Variants in ZNF292 observed in about 807,000 individuals in gnomAD.
The protein encoded by ZNF292 is zinc finger protein 292.
In ZNF292, 26 loss-of-function variants were observed where a neutral mutation model predicts 217.9. That is an observed-to-expected ratio of 0.12 (90% CI 0.09 to 0.17). The LOEUF (loss-of-function observed/expected upper bound fraction) is 0.17. Ranked by LOEUF, ZNF292 falls within the 10% of genes least tolerant of loss-of-function variation. ZNF292 has a pLI of 1.00. For missense variants in ZNF292, 2,904 were observed against 3,175.2 expected (o/e 0.91, Z 2.05); for synonymous variants, 1,257 against 1,124.1 (o/e 1.12, Z -2.37).
rs1479328299 is a variant in ZNF292 at position 87,265,873 on chromosome 6, C to G, written c.*4072C>G. On this transcript the variant is annotated 3_prime_UTR_variant, in exon 8 of 8. Coordinates refer to ENST00000369577, the MANE Select transcript of ZNF292 (RefSeq NM_015021.3). ...AATGTTTTGAATATTACCCGGTATT[C>G]AAGTAATGCTCATTGAATTTCAAGT... Among the ~76,000 whole-genome samples, 4 of 152,148 alleles carry G rather than the reference C, an allele frequency of 2.6e-5. No homozygotes were observed. The highest frequency in any genetic ancestry group is 4.4e-5 in the Non-Finnish European group (3 of 68,024).
At position 87,258,937 on chromosome 6, in the gene ZNF292, A is replaced by G; in HGVS notation, c.5308A>G (p.Ile1770Val). The G allele has an allele frequency of 6.2e-7, 1 of 1,611,974 alleles. No individual in the cohort carries two copies. The highest frequency in any genetic ancestry group is 2.2e-5 in the East Asian group (1 of 44,822). The change falls in exon 8 of 8, where the codon ATA (isoleucine) becomes GTA (valine). Residue 1770 changes from isoleucine to valine, a missense_variant. Physicochemically the swap from Ile to Val is conservative, Grantham distance 29. Around this residue, in one of 15 missense-constraint regions of ZNF292, gnomAD observed 622 missense variants for 573.1 expected, o/e 1.09. Coordinates refer to ENST00000369577, the MANE Select transcript of ZNF292 (RefSeq NM_015021.3). ...TATTAAAACTGCTATGAATTCTCAA[A>G]TACTTGAGGTAAAAAGTGGATCTCA... ...EIIKTAMNSQ[I>V]LEVKSGSQGA...
intron 1 of ZNF292, among the ~76,000 whole-genome samples, chr6:87,184,264 T>C (rs1399493352): frequency 6.6e-6 from 1 of 152,184 alleles, no homozygotes; most frequent in Non-Finnish European, 1.5e-5. Flanking sequence ...TTCTCCTACT[T>C]TTTGCCTGCA....
At chr6:87,238,703 T>C (rs1774030397) in intron 5 of ZNF292, among the ~76,000 whole-genome samples, 1 of 151,638 alleles carries the variant, frequency 6.6e-6, no homozygotes, top group African/African-American at 2.4e-5. Flanking sequence ...TTTTTTTAAT[T>C]GATCATTCTT....
In ZNF292 at chr6:87,261,616, A is replaced by T; in HGVS notation, c.7987A>T (p.Ser2663Cys). The change falls in exon 8 of 8, where the codon AGT becomes TGT. Residue 2663 changes from serine to cysteine, a missense_variant. Ser to Cys is a moderately radical substitution (Grantham distance 112). This residue lies in a region of ZNF292 where 380 missense variants were observed against 355.3 expected (regional missense o/e 1.07). Transcript: ENST00000369577. ...TGCCAATCCATCACAGCTTCAGTGCAGTGATAATGTAAAAATTGTTTTAGA... is the reference window on the plus strand; with the variant it reads ...TGCCAATCCATCACAGCTTCAGTGCTGTGATAATGTAAAAATTGTTTTAGA... ...QFANPSQLQC[S>C]DNVKIVLDKN... 6.2e-7 allele frequency: 1 copy of T among 1,611,150 alleles called. No individual in the cohort carries two copies. The highest frequency in any genetic ancestry group is 8.5e-7 in the Non-Finnish European group (1 of 1,178,302).
chr6:87,261,740 C>G lies in ZNF292; in HGVS notation c.8111C>G (p.Pro2704Arg), dbSNP rs769299975. Residue 2704 changes from proline to arginine, a missense_variant, in exon 8 of 8, where the codon CCA (proline) becomes CGA (arginine). Transcript: ENST00000369577. The part of the protein sequence containing the change: ...LKKLEVHSND[P>R]DMSVMKDISI... ...AAACTTGAAGTACATTCAAATGATCCAGATATGTCTGTTATGAAAGATATC... is the reference window on the plus strand; with the variant it reads ...AAACTTGAAGTACATTCAAATGATCGAGATATGTCTGTTATGAAAGATATC... 6 of 1,612,868 alleles carry G rather than the reference C, an allele frequency of 3.7e-6. No homozygotes were observed. The highest frequency in any genetic ancestry group is 2.2e-5 in the East Asian group (1 of 44,842).
chr6:87,163,802 G>A (rs972202673), intron 1 of ZNF292, among the ~76,000 whole-genome samples: 5 of 152,164 alleles, frequency 3.3e-5, no homozygotes, highest in African/African-American at 1.2e-4. Flanking sequence ...GAGAATAAAA[G>A]CTCAGATAAA....
chr6:87,216,438 T>A, intron 3 of ZNF292, 61 bp downstream of exon 3: 1 of 1,254,920 alleles, frequency 8.0e-7, no homozygotes, highest in Non-Finnish European at 1.1e-6. Flanking sequence ...TCCTTACTCT[T>A]AAAAAAATTA....
intron 1 of ZNF292, among the ~76,000 whole-genome samples, chr6:87,159,663 C>T (rs757292118): frequency 9.2e-5 from 14 of 152,094 alleles, no homozygotes; most frequent in South Asian, 4.1e-4. Context: ...CCACCATGCC[C>T]GGCTAATTTT....
intron 1 of ZNF292, among the ~76,000 whole-genome samples, chr6:87,157,658 C>T (rs1476629837): frequency 6.6e-6 from 1 of 151,954 alleles, no homozygotes; most frequent in African/African-American, 2.4e-5. Flanking sequence ...GAGTGTGTGA[C>T]GTTGTAAAGT....
At chr6:87,215,799 TA>T in intron 1 of ZNF292, 103 bp from the exon 2 acceptor site, 1 of 813,454 alleles carries the variant, frequency 1.2e-6, no homozygotes, top group Non-Finnish European at 1.8e-6. Flanking sequence ...TTTTTATAAA[TA>T]AAAATCTGTA....
rs377741503 is a variant in ZNF292, at chr6:87,255,087, A to G, written c.1458A>G (p.Gln486=). 2.6e-4 allele frequency: 415 copies of G among 1,613,648 alleles called. No homozygotes were observed. In the Middle Eastern group the frequency reaches 3.1e-3, roughly 12 times the overall value. The stretch of plus-strand genomic sequence containing the variant: ...TATATGAAAAAGTGGTAGACTACCA[A>G]GAAGAGAGTAAAGAAACTTCTATGA... The part of the protein sequence containing the change: ...SEVYEKVVDY[Q]EESKETSMNG... Residue 486 remains glutamine, a synonymous_variant, in exon 8 of 8, where the codon CAA becomes CAG. Coordinates refer to ENST00000369577, the MANE Select transcript of ZNF292 (RefSeq NM_015021.3).
At chr6:87,163,564 G>A (rs73501638) in intron 1 of ZNF292, among the ~76,000 whole-genome samples, 13,843 of 152,122 alleles carry the variant, frequency 0.091, 1,105 homozygotes, top group African/African-American at 0.22. Context: ...TAGCTATGGA[G>A]AATTATGGAG....
At chr6:87,197,928 C>T (rs1772002163) in intron 1 of ZNF292, among the ~76,000 whole-genome samples, 3 of 152,002 alleles carry the variant, frequency 2.0e-5, no homozygotes, top group South Asian at 4.2e-4. Flanking sequence ...ATTTATGTAT[C>T]TTAAGAACAG....
intron 6 of ZNF292, among the ~76,000 whole-genome samples, chr6:87,244,052 ATTAGC>A (rs66768030): frequency 0.37 from 56,438 of 151,706 alleles, 10,934 homozygotes; most frequent in Admixed American, 0.52. Flanking sequence ...GCTGCCTTAA[ATTAGC>A]TTAGCTAACA....
chr6:87,259,317 CAAAGTT>C lies in ZNF292; in HGVS notation c.5691_5696del (p.Lys1897_Val1898del), dbSNP rs1387993392. The C allele has an allele frequency of 1.2e-6, 2 of 1,613,466 alleles. No homozygotes were observed. Among genetic ancestry groups the C allele is most frequent in the Non-Finnish European group, 1.7e-6 (2 of 1,179,630 alleles). ...AAATGATAAACATTCAATTTAATGA[CAAAGTT>C]AATAAACCCTTTGTGTGTCAAAACC... On this transcript the variant is annotated inframe_deletion, in exon 8 of 8. Coordinates refer to ENST00000369577, the MANE Select transcript of ZNF292 (RefSeq NM_015021.3).
At chr6:87,199,161 A>G (rs986662273) in intron 1 of ZNF292, among the ~76,000 whole-genome samples, 3 of 152,246 alleles carry the variant, frequency 2.0e-5, no homozygotes, top group African/African-American at 4.8e-5. Flanking sequence ...ATACTCACCA[A>G]CACTTGATAT....
chr6:87,213,198 A>G (rs552842701), intron 1 of ZNF292, among the ~76,000 whole-genome samples: 1 of 152,204 alleles, frequency 6.6e-6, no homozygotes, highest in Non-Finnish European at 1.5e-5. Flanking sequence ...AAGTCTGGCT[A>G]GGTGTGTTGA....
rs1266896027 is a variant in ZNF292 at position 87,258,418 on chromosome 6, C to G, written c.4789C>G (p.Gln1597Glu). 2 of 1,613,678 alleles carry G rather than the reference C, an allele frequency of 1.2e-6. No individual in the cohort carries two copies. Among genetic ancestry groups the G allele is most frequent in the South Asian group, 1.1e-5 (1 of 91,060 alleles). ...ATTTCCTAATTCTGGTGGGCCATCA[C>G]AAAATTTTACCAGTAACAGTTCTCG... ...SSFPNSGGPS[Q>E]NFTSNSSRVS... The change falls in exon 8 of 8, where the codon CAA becomes GAA. Residue 1597 changes from glutamine to glutamate, a missense_variant. Gln to Glu is a conservative substitution (Grantham distance 29). This residue lies in a region of ZNF292 where 622 missense variants were observed against 573.1 expected (regional missense o/e 1.09). Coordinates refer to ENST00000369577, the MANE Select transcript of ZNF292 (RefSeq NM_015021.3).
intron 7 of ZNF292, among the ~76,000 whole-genome samples, chr6:87,251,750 T>A (rs1260546876): frequency 6.6e-6 from 1 of 152,234 alleles, no homozygotes; most frequent in African/African-American, 2.4e-5. Context: ...GTTCACTTAT[T>A]TTCAAGTACA....
Sources: allele counts gnomAD v4.1 joint callset (sites outside exome capture counted in the v4.1 genomes callset), GRCh38; gene constraint gnomAD v4.1.1; regional missense constraint gnomAD v4.1.1; transcripts MANE v1.5; gene names NCBI Gene and HGNC (gene_info 2026-07-23, HGNC 2026-07-21).